The following MIS12 variants were observed in gnomAD, a reference collection of about 807,000 sequenced individuals.
MIS12 encodes the protein protein MIS12 homolog.
Under a neutral mutation model 16.5 loss-of-function variants are expected in MIS12, and 13 were observed. That is an observed-to-expected ratio of 0.79 (90% CI 0.51 to 1.25). The LOEUF (loss-of-function observed/expected upper bound fraction) is 1.25. MIS12 is among the 50% of genes most tolerant of loss of function. MIS12 has a pLI of 0.00. For synonymous variants in MIS12, 97 were observed against 87.3 expected (o/e 1.11, Z -0.62); for missense variants, 199 against 239.5 (o/e 0.83, Z 1.12).
rs1354662545 is a variant in MIS12 at position 5,489,072 on chromosome 17, C to T, written c.210C>T (p.Phe70=). Residue 70 remains phenylalanine (F), a synonymous_variant, in exon 3 of 3, where the codon TTC becomes TTT. Transcript: ENST00000611091. ...AATGCACAGAGAAGTTTCTTTGCTTCATGAAAGGACATTTTGATAACCTTT... is the reference window on the plus strand; with the variant it reads ...AATGCACAGAGAAGTTTCTTTGCTTTATGAAAGGACATTTTGATAACCTTT... ...IRKCTEKFLC[F]MKGHFDNLFS... 3 of 1,614,174 alleles carry T rather than the reference C, an allele frequency of 1.9e-6. No individual in the cohort carries two copies. The South Asian group carries it at 3.3e-5, about 18-fold the overall frequency.
intron 1 of MIS12, chr17:5,487,641 C>T (rs1906462772): frequency 6.6e-6 from 1 of 152,304 alleles, no homozygotes; most frequent in Admixed American, 6.5e-5. Context: ...CAGTGATTCT[C>T]CTGCCTCAGC....
At position 5,489,023 on chromosome 17, in the gene MIS12, A is replaced by T. The variant is rs1466062441; in HGVS notation, c.161A>T (p.Asp54Val). Reference protein sequence around the residue: ...LKKLDGIPDCDISPVQIRKCT... With the variant: ...LKKLDGIPDCVISPVQIRKCT... ...AAGCTGGATGGCATCCCAGACTGTG[A>T]CATTAGCCCAGTGCAGATTCGCAAA... The change falls in exon 3 of 3, where the codon GAC becomes GTC. Residue 54 changes from aspartate (D) to valine (V), a missense_variant. Physicochemically the swap from Asp to Val is radical, Grantham distance 152. Coordinates refer to ENST00000611091, the MANE Select transcript of MIS12 (RefSeq NM_001258217.2). 1.2e-5 allele frequency: 19 copies of T among 1,614,124 alleles called. No homozygotes were observed. In the East Asian group the frequency reaches 3.1e-4, roughly 26 times the overall value.
In MIS12 at chr17:5,489,298, A is replaced by C. The variant is rs1375964579; in HGVS notation, c.436A>C (p.Lys146Gln). The C allele has an allele frequency of 6.2e-7, 1 of 1,613,918 alleles. No individual in the cohort carries two copies. The highest frequency in any genetic ancestry group is 1.3e-5 in the African/African-American group (1 of 74,916). The change falls in exon 3 of 3, where the codon AAA (lysine) becomes CAA (glutamine). Residue 146 changes from lysine (K) to glutamine (Q), a missense_variant. Coordinates refer to ENST00000611091, the MANE Select transcript of MIS12 (RefSeq NM_001258217.2). Reference sequence around the variant, plus strand: ...CCTTCTTGCAGAATTAGAAGAGCAAAAAATTGTTCAGGCCAAACTCAAACA... The same window carrying C: ...CCTTCTTGCAGAATTAGAAGAGCAACAAATTGTTCAGGCCAAACTCAAACA... ...QALLAELEEQ[K>Q]IVQAKLKQTL...
At chr17:5,487,107 ATT>A (rs1415580153) in intron 1 of MIS12, 1 of 152,246 alleles carries the variant, frequency 6.6e-6, no homozygotes, top group Admixed American at 6.5e-5. Context: ...AAGGAAGTGT[ATT>A]TTTTTGTTGT....
rs2151720562 is a variant in MIS12 at position 5,490,279 on chromosome 17, T to C, written c.*799T>C. ...CCCCTGACAAAAAACCTGGTGATGTTAAGCAATTGACTGTCTTAGAGTCCA... is the reference window on the plus strand; with the variant it reads ...CCCCTGACAAAAAACCTGGTGATGTCAAGCAATTGACTGTCTTAGAGTCCA... On this transcript the variant is annotated 3_prime_UTR_variant, in exon 3 of 3. Coordinates refer to ENST00000611091, the MANE Select transcript of MIS12 (RefSeq NM_001258217.2). The C allele has an allele frequency of 6.0e-6, 1 of 167,190 alleles. No individual in the cohort carries two copies. The highest frequency in any genetic ancestry group is 1.5e-5 in the Non-Finnish European group (1 of 68,098). The allele number at this position is 167,190 out of a possible 1,614,324, so 10.4% of individuals were successfully genotyped here.
At chr17:5,488,656 G>GTT in intron 2 of MIS12, 67 bp downstream of exon 2, 1 of 411,302 alleles carries the variant, frequency 2.4e-6, no homozygotes, top group Non-Finnish European at 3.9e-6. Context: ...GCCTCAGAGA[G>GTT]GCAAAGAGTT....
At chr17:5,487,811 A>C (rs1906481367) in intron 1 of MIS12, 1 of 152,396 alleles carries the variant, frequency 6.6e-6, no homozygotes, top group Admixed American at 6.5e-5. Flanking sequence ...GATTACAGGC[A>C]TGAGCTATCG....
In MIS12 at chr17:5,489,189, T is replaced by C. The variant is rs770548808; in HGVS notation, c.327T>C (p.Tyr109=). 1.9e-5 allele frequency: 30 copies of C among 1,614,080 alleles called. No individual in the cohort carries two copies. The South Asian group carries it at 2.9e-4, about 15-fold the overall frequency. Residue 109 remains tyrosine (Y), a synonymous_variant, in exon 3 of 3, where the codon TAT becomes TAC. Transcript: ENST00000611091. ...AAGATAAATGTAAGGAGACACCTTA[T>C]AGTGAGGAAGATTTTCAGCATCTCC... ...LPEDKCKETP[Y]SEEDFQHLQK...
rs779548037 is a variant in MIS12 at position 5,489,444 on chromosome 17, T to C, written c.582T>C (p.Asn194=). Residue 194 remains asparagine, a synonymous_variant, in exon 3 of 3, where the codon AAT becomes AAC. Transcript: ENST00000611091. The stretch of plus-strand genomic sequence containing the variant: ...GAAAACTACAGAACATTAGAGACAA[T>C]GTGGAAAAGGAATCGAAACGACTGA... The part of the protein sequence containing the change: ...NSRKLQNIRD[N]VEKESKRLKI... The C allele has an allele frequency of 1.0e-5, 16 of 1,594,378 alleles. No individual in the cohort carries two copies. The highest frequency in any genetic ancestry group is 2.2e-5 in the East Asian group (1 of 44,800).
rs1253725909 is a variant in MIS12, at chr17:5,489,259, T to C, written c.397T>C (p.Cys133Arg). 18 of 1,614,134 alleles carry C rather than the reference T, an allele frequency of 1.1e-5. No homozygotes were observed. The highest frequency in any genetic ancestry group is 1.5e-5 in the Non-Finnish European group (18 of 1,180,032). ...QLQEKYKTEL[C>R]TKQALLAELE... ...ACAGGAGAAGTACAAGACTGAATTA[T>C]GTACTAAGCAGGCCCTTCTTGCAGA... Residue 133 changes from cysteine (C) to arginine (R), a missense_variant, in exon 3 of 3, where the codon TGT becomes CGT. Coordinates refer to ENST00000611091, the MANE Select transcript of MIS12 (RefSeq NM_001258217.2).
chr17:5,488,880 G>T lies in MIS12; in HGVS notation c.18G>T (p.Met6Ile). The change falls in exon 3 of 3, where the codon ATG (methionine) becomes ATT (isoleucine). Residue 6 changes from methionine (M) to isoleucine (I), a missense_variant. Met to Ile is a conservative substitution (Grantham distance 10). Transcript: ENST00000611091. MSVDP[M>I]TYEAQFFGFT... The stretch of plus-strand genomic sequence containing the variant: ...AAGCCAAGATGTCTGTGGATCCAAT[G>T]ACCTACGAGGCCCAGTTCTTTGGCT... 1.2e-6 allele frequency: 2 copies of T among 1,612,538 alleles called. No homozygotes were observed. Among genetic ancestry groups the T allele is most frequent in the South Asian group, 2.2e-5 (2 of 90,942 alleles).
intron 1 of MIS12, chr17:5,487,264 AAAC>A (rs756033611): frequency 1.1e-4 from 16 of 152,064 alleles, no homozygotes; most frequent in East Asian, 5.9e-4. Flanking sequence ...ACTTTGTCTC[AAAC>A]AACAACAACA....
chr17:5,487,272 A>G (rs1906418053), intron 1 of MIS12: 1 of 151,970 alleles, frequency 6.6e-6, no homozygotes, highest in Non-Finnish European at 1.5e-5. Flanking sequence ...TCAAACAACA[A>G]CAACAACAAG....
rs74582818 is a variant in MIS12, at chr17:5,489,687, G to C, written c.*207G>C. ...GTATGAAGTGTACTACTTTGAACTA[G>C]GCTGAAGCATCTGAGTCTTCTAATA... On this transcript the variant is annotated 3_prime_UTR_variant, in exon 3 of 3. Coordinates refer to ENST00000611091, the MANE Select transcript of MIS12 (RefSeq NM_001258217.2). 1.7e-3 allele frequency: 845 copies of C among 498,902 alleles called. 13 individuals are homozygous for C. In the East Asian group the frequency reaches 0.028, roughly 16 times the overall value. 30.9% of individuals were successfully genotyped at this position (498,902 alleles called of 1,614,324 possible). A position where few individuals can be genotyped will look rare whatever the true frequency, so the allele number is the denominator to read the frequency against.
chr17:5,489,013 C>G lies in MIS12; in HGVS notation c.151C>G (p.Pro51Ala), dbSNP rs1425783087. Reference sequence around the variant, plus strand: ...TATTCTGAAGAAGCTGGATGGCATCCCAGACTGTGACATTAGCCCAGTGCA... The same window carrying G: ...TATTCTGAAGAAGCTGGATGGCATCGCAGACTGTGACATTAGCCCAGTGCA... ...QVILKKLDGI[P>A]DCDISPVQIR... The change falls in exon 3 of 3, where the codon CCA (proline) becomes GCA (alanine). Residue 51 changes from proline (P) to alanine (A), a missense_variant. Pro to Ala is a conservative substitution (Grantham distance 27). Coordinates refer to ENST00000611091, the MANE Select transcript of MIS12 (RefSeq NM_001258217.2). 1 of 1,614,138 alleles carries G rather than the reference C, an allele frequency of 6.2e-7. No individual in the cohort carries two copies. The highest frequency in any genetic ancestry group is 8.5e-7 in the Non-Finnish European group (1 of 1,180,020).
rs1162656602 is a variant in MIS12, at chr17:5,489,024, C to T, written c.162C>T (p.Asp54=). ...LKKLDGIPDC[D]ISPVQIRKCT... is the part of the protein sequence containing the mutation. ...AGCTGGATGGCATCCCAGACTGTGA[C>T]ATTAGCCCAGTGCAGATTCGCAAAT... is the stretch of plus-strand genomic sequence containing the variant. The change falls in exon 3 of 3, where the codon GAC becomes GAT. Residue 54 remains aspartate (D), a synonymous_variant. Coordinates refer to ENST00000611091, the MANE Select transcript of MIS12 (RefSeq NM_001258217.2). 4 of 1,614,234 alleles carry T rather than the reference C, an allele frequency of 2.5e-6. No homozygotes were observed. The highest frequency in any genetic ancestry group is 2.5e-6 in the Non-Finnish European group (3 of 1,180,038).
In MIS12 at chr17:5,489,248, A is replaced by C; in HGVS notation, c.386A>C (p.Lys129Thr). The part of the protein sequence containing the change: ...KEIEQLQEKY[K>T]TELCTKQALL... Reference sequence around the variant, plus strand: ...ATTGAACAGTTACAGGAGAAGTACAAGACTGAATTATGTACTAAGCAGGCC... The same window carrying C: ...ATTGAACAGTTACAGGAGAAGTACACGACTGAATTATGTACTAAGCAGGCC... Residue 129 changes from lysine (K) to threonine (T), a missense_variant, in exon 3 of 3, where the codon AAG (lysine) becomes ACG (threonine). By Grantham distance (78) the Lys-to-Thr change is moderately conservative. Coordinates refer to ENST00000611091, the MANE Select transcript of MIS12 (RefSeq NM_001258217.2). 7 of 1,614,200 alleles carry C rather than the reference A, an allele frequency of 4.3e-6. No individual in the cohort carries two copies. The highest frequency in any genetic ancestry group is 5.9e-6 in the Non-Finnish European group (7 of 1,180,040).
rs758979157 is a variant in MIS12 at position 5,488,883 on chromosome 17, C to T, written c.21C>T (p.Thr7=). The change falls in exon 3 of 3, where the codon ACC becomes ACT. Residue 7 remains threonine (T), a synonymous_variant. Transcript: ENST00000611091. MSVDPM[T]YEAQFFGFTP... ...CCAAGATGTCTGTGGATCCAATGAC[C>T]TACGAGGCCCAGTTCTTTGGCTTCA... The T allele has an allele frequency of 3.6e-5, 58 of 1,613,348 alleles. No homozygotes were observed. Among genetic ancestry groups the T allele is most frequent in the Non-Finnish European group, 4.3e-5 (51 of 1,179,506 alleles).
Position 5,489,901 on chromosome 17 carries a change from G to A in MIS12, c.*421G>A, listed in dbSNP as rs540918376. 22 of 168,342 alleles carry A rather than the reference G, an allele frequency of 1.3e-4. No individual in the cohort carries two copies. The highest frequency in any genetic ancestry group is 1.0e-3 in the South Asian group (5 of 4,894). The allele number at this position is 168,342 out of a possible 1,614,324, so 10.4% of individuals were successfully genotyped here. A position where few individuals can be genotyped will look rare whatever the true frequency, so the allele number is the denominator to read the frequency against. On this transcript the variant is annotated 3_prime_UTR_variant, in exon 3 of 3. Coordinates refer to ENST00000611091, the MANE Select transcript of MIS12 (RefSeq NM_001258217.2). The stretch of plus-strand genomic sequence containing the variant: ...TGTTTTTGAGACAAGGTCCCTTTCT[G>A]TCACCCAGGTTAGAGTAGATTTCAG...
Sources: allele counts gnomAD v4.1 joint callset, GRCh38; gene constraint gnomAD v4.1.1; transcripts MANE v1.5; gene names NCBI Gene and HGNC (gene_info 2026-07-23, HGNC 2026-07-21).